SLIT1: variants seen among roughly 807,000 people sequenced by gnomAD.
SLIT1 encodes slit guidance ligand 1.
Under a neutral mutation model 186.1 loss-of-function variants are expected in SLIT1, and 66 were observed. The ratio of observed to expected loss-of-function variants is 0.35; its 90% CI spans 0.29 to 0.44. The LOEUF (loss-of-function observed/expected upper bound fraction) is 0.44. Ranked by LOEUF, SLIT1 falls within the 20% of genes least tolerant of loss-of-function variation. The pLI is 1.00. For synonymous variants in SLIT1, 761 were observed against 833.8 expected, an observed-to-expected ratio of 0.91 and a Z score of 1.50; for missense variants, 1,638 against 2,037.4, an observed-to-expected ratio of 0.80 and a Z score of 3.77.
intron 1 of SLIT1, among the ~76,000 whole-genome samples, chr10:97,174,751 G>C (rs1850235128): frequency 1.3e-5 from 2 of 152,188 alleles, no homozygotes; most frequent in South Asian, 4.1e-4. Context: ...ACAGATGAGG[G>C]CACTGAGGCC....
rs571038830 is a variant in SLIT1 at position 97,148,059 on chromosome 10, T to C, written c.413+9759A>G. Among the ~76,000 whole-genome samples, 20 of 152,338 alleles carry C rather than the reference T, an allele frequency of 1.3e-4. No homozygotes were observed. The South Asian group carries it at 4.1e-3, about 32-fold the overall frequency. On this transcript the variant is annotated intron_variant, in intron 4 of 36. Transcript: ENST00000266058. ...GCATGGTGAAGAAGAGCACACCCTC[T>C]GGGTAGCACTTCCTGTACTCCAAGC...
chr10:97,032,744 C>T (rs115032310), intron 23 of SLIT1, among the ~76,000 whole-genome samples: 2,452 of 118,498 alleles, frequency 0.021, 67 homozygotes, highest in African/African-American at 0.059. Flanking sequence ...TGGAAACAGC[C>T]CCCGTGTTCC....
chr10:97,166,517 C>CA (rs57740497), intron 1 of SLIT1, among the ~76,000 whole-genome samples: 55,916 of 94,300 alleles, frequency 0.59, 17,631 homozygotes, highest in Admixed American at 0.7. Context: ...ACTCTGTCTC[C>CA]AAAAAAAAAG....
chr10:97,027,205 A>T (rs1848553540), intron 25 of SLIT1, among the ~76,000 whole-genome samples: 1 of 152,210 alleles, frequency 6.6e-6, no homozygotes, highest in South Asian at 2.1e-4. Context: ...AATTGCATAC[A>T]GCTTTCACGA....
chr10:97,117,515 C>T lies in SLIT1; in HGVS notation c.413+40303G>A, dbSNP rs549701948. On this transcript the variant is annotated intron_variant, in intron 4 of 36. Transcript: ENST00000266058. ...ATATGACTATTCAAGGTTATAAATCCACAAGGGTGTGGATTTCCAGGAACA... is the reference window on the plus strand; with the variant it reads ...ATATGACTATTCAAGGTTATAAATCTACAAGGGTGTGGATTTCCAGGAACA... Among the ~76,000 whole-genome samples, 11 of 152,206 alleles carry T rather than the reference C, an allele frequency of 7.2e-5. No individual in the cohort carries two copies. The South Asian group carries it at 1.7e-3, about 23-fold the overall frequency.
At chr10:97,030,669 T>G (rs112451605) in intron 25 of SLIT1, 88 bp downstream of exon 25, 2 of 1,105,550 alleles carry the variant, frequency 1.8e-6, no homozygotes, top group African/African-American at 1.5e-5. Context: ...AGCAACAAAC[T>G]CTGACAATCT....
At chr10:97,070,816 G>A (rs898614433) in intron 4 of SLIT1, among the ~76,000 whole-genome samples, 7 of 151,988 alleles carry the variant, frequency 4.6e-5, no homozygotes, top group South Asian at 2.1e-4. Flanking sequence ...CTTGGTCTAC[G>A]GCATTTTGTT....
intron 4 of SLIT1, among the ~76,000 whole-genome samples, chr10:97,116,033 C>T (rs1849507131): frequency 6.6e-6 from 1 of 152,212 alleles, no homozygotes. Flanking sequence ...TGTGCCAGTT[C>T]ACCTGCTGTG....
intron 1 of SLIT1, among the ~76,000 whole-genome samples, chr10:97,179,796 A>ACCCCCCCCCCCCCCCCCCCCCCCC (rs1411663173): frequency 1.9e-5 from 2 of 103,012 alleles, no homozygotes; most frequent in Non-Finnish European, 4.4e-5. Flanking sequence ...AATTCTCCAC[A>ACCCCCCCCCCCCCCCCCCCCCCCC]CCCTCCCCGC....
At chr10:97,013,432 A>G (rs1014470688) in intron 30 of SLIT1, among the ~76,000 whole-genome samples, 5 of 152,170 alleles carry the variant, frequency 3.3e-5, no homozygotes, top group African/African-American at 1.2e-4. Context: ...GCATTTTCTC[A>G]TCTTACCCTT....
chr10:97,179,796 A>ACCCCCCCCCCCCCCCCCCCAC (rs1411663173), intron 1 of SLIT1, among the ~76,000 whole-genome samples: 1 of 103,014 alleles, frequency 9.7e-6, no homozygotes, highest in African/African-American at 3.2e-5. Context: ...AATTCTCCAC[A>ACCCCCCCCCCCCCCCCCCCAC]CCCTCCCCGC....
Position 97,185,914 on chromosome 10 carries a change from G to C in SLIT1, c.-240C>G, listed in dbSNP as rs1589427204. ...GCTCCTCTGCCGTTTCGCCGCCTGC[G>C]TCTCCCTCTCCCTCCCTCCAGCTCC... On this transcript the variant is annotated 5_prime_UTR_variant, in exon 1 of 37. Coordinates refer to ENST00000266058, the MANE Select transcript of SLIT1 (RefSeq NM_003061.3). 4.1e-6 allele frequency: 2 copies of C among 489,812 alleles called. No individual in the cohort carries two copies. The highest frequency in any genetic ancestry group is 7.1e-6 in the Non-Finnish European group (2 of 280,488). 30.3% of individuals were successfully genotyped at this position (489,812 alleles called of 1,614,324 possible). A position where few individuals can be genotyped will look rare whatever the true frequency, so the allele number is the denominator to read the frequency against.
intron 4 of SLIT1, among the ~76,000 whole-genome samples, chr10:97,124,659 C>T (rs1413409219): frequency 1.3e-5 from 2 of 152,160 alleles, no homozygotes; most frequent in Non-Finnish European, 2.9e-5. Context: ...CCATGTTCCA[C>T]TCAGGGCCAA....
At chr10:97,175,535 CTT>C (rs1432891937) in intron 1 of SLIT1, among the ~76,000 whole-genome samples, 1 of 152,182 alleles carries the variant, frequency 6.6e-6, no homozygotes, top group Admixed American at 6.5e-5. Flanking sequence ...CTCGTCAACA[CTT>C]GATATTTTCT....
chr10:97,172,261 ATC>A (rs1564694480), intron 1 of SLIT1, among the ~76,000 whole-genome samples: 1 of 151,920 alleles, frequency 6.6e-6, no homozygotes, highest in Non-Finnish European at 1.5e-5. Context: ...GGCCAGGCTG[ATC>A]TCCAACTCCT....
chr10:97,138,478 T>A (rs1849725635), intron 4 of SLIT1, among the ~76,000 whole-genome samples: 1 of 152,226 alleles, frequency 6.6e-6, no homozygotes. Flanking sequence ...GGCCTTCCCT[T>A]CGGGATGACT....
At chr10:97,125,731 C>T (rs529198190) in intron 4 of SLIT1, among the ~76,000 whole-genome samples, 2 of 151,566 alleles carry the variant, frequency 1.3e-5, no homozygotes, top group South Asian at 4.2e-4. Flanking sequence ...CCCAGCTACT[C>T]GGGAGGCTGA....
intron 4 of SLIT1, among the ~76,000 whole-genome samples, chr10:97,075,045 A>G (rs931978468): frequency 6.6e-6 from 1 of 152,098 alleles, no homozygotes; most frequent in Non-Finnish European, 1.5e-5. Flanking sequence ...CTTGCTGCCC[A>G]CTCGGGCGCC....
At chr10:97,037,427 C>T (rs1848650390) in intron 22 of SLIT1, among the ~76,000 whole-genome samples, 2 of 152,090 alleles carry the variant, frequency 1.3e-5, no homozygotes. Context: ...TTAACAGTCA[C>T]GACCAGCCTC....
Sources: gnomAD v4.1 joint callset for allele counts (sites outside exome capture counted in the v4.1 genomes callset) on GRCh38, gnomAD v4.1.1 for gene constraint, MANE v1.5 for transcripts, NCBI Gene and HGNC (gene_info 2026-07-23, HGNC 2026-07-21) for gene names.